The following ZXDC variants were observed in gnomAD, a reference collection of about 807,000 sequenced individuals.
The protein encoded by ZXDC is ZXD family zinc finger C.
A neutral mutation model predicts 63.6 loss-of-function variants in ZXDC; 58 were observed. The ratio of observed to expected loss-of-function variants is 0.91; its 90% CI spans 0.74 to 1.13. The LOEUF (loss-of-function observed/expected upper bound fraction) is 1.13. ZXDC is among the 50% of genes most tolerant of loss of function. The pLI, the probability that ZXDC is intolerant of heterozygous loss-of-function variation, is 0.00. For missense variants in ZXDC, 1,133 were observed against 1,148.9 expected, an observed-to-expected ratio of 0.99 and a Z score of 0.20; for synonymous variants, 561 against 496.1, an observed-to-expected ratio of 1.13 and a Z score of -1.74.
chr3:126,456,370 C>T (rs188074705), intron 7 of ZXDC, among the ~76,000 whole-genome samples: 39 of 152,328 alleles, frequency 2.6e-4, no homozygotes, highest in African/African-American at 8.9e-4. Context: ...AGGCCTCGGG[C>T]ACACAGCGCC....
intron 7 of ZXDC, among the ~76,000 whole-genome samples, chr3:126,443,659 C>T (rs1472796645): frequency 2.6e-5 from 4 of 152,156 alleles, no homozygotes; most frequent in Admixed American, 6.5e-5. Flanking sequence ...CTATATCCTC[C>T]GTGAGCTTGT....
intron 7 of ZXDC, among the ~76,000 whole-genome samples, chr3:126,444,657 T>C (rs1027951996): frequency 6.6e-6 from 1 of 152,236 alleles, no homozygotes; most frequent in African/African-American, 2.4e-5. Flanking sequence ...ATCAAGTATT[T>C]ATTATCAAGT....
At chr3:126,459,039 T>C (rs1248402175) in intron 7 of ZXDC, 1 of 984,552 alleles carries the variant, frequency 1.0e-6, no homozygotes, top group Admixed American at 6.1e-5. Context: ...AAACAATATA[T>C]TTTAAAAATC....
At chr3:126,449,749 G>A (rs1270673192) in intron 7 of ZXDC, among the ~76,000 whole-genome samples, 5 of 152,194 alleles carry the variant, frequency 3.3e-5, no homozygotes, top group Admixed American at 6.5e-5. Flanking sequence ...ATCACCTGAC[G>A]GCAACATAGG....
chr3:126,464,438 G>A (rs974461562), intron 5 of ZXDC, among the ~76,000 whole-genome samples: 10 of 152,150 alleles, frequency 6.6e-5, no homozygotes, highest in Admixed American at 5.2e-4. Flanking sequence ...ATAATCCCAC[G>A]GTAACTGGGT....
chr3:126,452,259 A>G, intron 7 of ZXDC: 3 of 985,420 alleles, frequency 3.0e-6, no homozygotes, highest in Non-Finnish European at 3.6e-6. Flanking sequence ...GTTTTCTTAG[A>G]CGTTCTTGTC....
intron 7 of ZXDC, among the ~76,000 whole-genome samples, chr3:126,455,978 C>T (rs1200638607): frequency 4.0e-5 from 6 of 150,584 alleles, no homozygotes; most frequent in Non-Finnish European, 7.4e-5. Context: ...CCAGCCGGGG[C>T]GACAGAGCAA....
chr3:126,458,076 C>A (rs1428200386), intron 7 of ZXDC, among the ~76,000 whole-genome samples: 1 of 152,130 alleles, frequency 6.6e-6, no homozygotes, highest in Non-Finnish European at 1.5e-5. Flanking sequence ...ACATATGAAC[C>A]CCACTGGATT....
chr3:126,451,120 A>G, intron 7 of ZXDC: 1 of 985,466 alleles, frequency 1.0e-6, no homozygotes, highest in African/African-American at 1.7e-5. Flanking sequence ...ATTGCTCACC[A>G]TTTTGATGGT....
intron 7 of ZXDC, chr3:126,451,744 C>G: frequency 1.0e-6 from 1 of 985,408 alleles, no homozygotes; most frequent in South Asian, 4.7e-5. Flanking sequence ...TGATCTCACG[C>G]TGTTACTGGT....
At chr3:126,459,841 C>G in intron 6 of ZXDC, 104 bp from the exon 7 acceptor site, 6 of 1,587,154 alleles carry the variant, frequency 3.8e-6, no homozygotes, top group Non-Finnish European at 5.1e-6. Context: ...CATATCCGAG[C>G]TCCCAAAACC....
intron 7 of ZXDC, chr3:126,451,582 G>C (rs1934100287): frequency 1.0e-6 from 1 of 985,326 alleles, no homozygotes; most frequent in Admixed American, 6.1e-5. Flanking sequence ...GAAAGCACAA[G>C]GACGCGCTGT....
intron 7 of ZXDC, chr3:126,450,750 G>A (rs1934069716): frequency 5.7e-6 from 2 of 351,852 alleles, no homozygotes; most frequent in South Asian, 2.1e-5. Context: ...AAGTGAAACA[G>A]ATTATAAAAA....
In ZXDC at chr3:126,461,781, C is replaced by A; in HGVS notation, c.1881G>T (p.Leu627Phe). 6.2e-7 allele frequency: 1 copy of A among 1,614,088 alleles called. No individual in the cohort carries two copies. The highest frequency in any genetic ancestry group is 8.5e-7 in the Non-Finnish European group (1 of 1,180,010). Residue 627 changes from leucine (L) to phenylalanine (F), a missense_variant, in exon 6 of 10, where the codon TTG becomes TTT. Physicochemically the swap from Leu to Phe is conservative, Grantham distance 22. Coordinates refer to ENST00000389709, the MANE Select transcript of ZXDC (RefSeq NM_025112.5). The part of the protein sequence containing the change: ...MKNLSDDPLA[L>F]TSNSNLAAHI... ...GTGCTGCTAAGTTACTATTGGAGGT[C>A]AAAGCCAGTGGGTCGTCACTCAAGT...
chr3:126,466,073 G>T, intron 5 of ZXDC, 82 bp downstream of exon 5: 4 of 1,494,874 alleles, frequency 2.7e-6, no homozygotes, highest in Non-Finnish European at 3.6e-6. Flanking sequence ...TCCAAGAGGT[G>T]AAGAAGGAAC....
chr3:126,440,956 T>C (rs1933652354), intron 8 of ZXDC: 15 of 985,586 alleles, frequency 1.5e-5, no homozygotes, highest in Non-Finnish European at 1.7e-5. Context: ...CCCTCCGCAC[T>C]TCCGTGGGGC....
At chr3:126,473,316 G>A (rs1299772504) in intron 1 of ZXDC, among the ~76,000 whole-genome samples, 1 of 152,092 alleles carries the variant, frequency 6.6e-6, no homozygotes, top group African/African-American at 2.4e-5. Flanking sequence ...TCACCTGCTA[G>A]AGACCCTCAT....
intron 8 of ZXDC, chr3:126,440,993 A>C: frequency 2.7e-5 from 27 of 985,594 alleles, no homozygotes; most frequent in Non-Finnish European, 3.3e-5. Flanking sequence ...TGCCACAGGG[A>C]ATCTACAAAG....
At chr3:126,453,566 G>A in intron 7 of ZXDC, 2 of 985,466 alleles carry the variant, frequency 2.0e-6, no homozygotes, top group South Asian at 4.7e-5. Context: ...AGAATCCCAA[G>A]TGCAGCGTGC....
Sources: allele counts gnomAD v4.1 joint callset (sites outside exome capture counted in the v4.1 genomes callset), GRCh38; gene constraint gnomAD v4.1.1; transcripts MANE v1.5; gene names NCBI Gene and HGNC (gene_info 2026-07-23, HGNC 2026-07-21).